SHOC2: variants seen among roughly 807,000 people sequenced by gnomAD.
SHOC2 encodes the protein SHOC2 leucine rich repeat scaffold protein, also known as leucine-rich repeat protein SHOC-2.
Under a neutral mutation model 50.2 loss-of-function variants are expected in SHOC2, and 4 were observed. That is an observed-to-expected ratio of 0.08 (90% CI 0.04 to 0.18). The LOEUF (loss-of-function observed/expected upper bound fraction) is 0.18. Among genes scored for constraint, SHOC2 ranks in the 10% least tolerant of loss-of-function variants. SHOC2 has a pLI of 1.00. For synonymous variants in SHOC2, 218 were observed against 244.5 expected (o/e 0.89, Z 1.01); for missense variants, 388 against 669.6 (o/e 0.58, Z 4.64).
intron 1 of SHOC2, among the ~76,000 whole-genome samples, chr10:110,955,422 A>G (rs377636375): frequency 1.3e-5 from 2 of 152,194 alleles, no homozygotes; most frequent in East Asian, 3.8e-4. Context: ...GCAGTTTGGG[A>G]TAAAGATCTG....
chr10:110,952,589 C>T (rs1847377287), intron 1 of SHOC2, among the ~76,000 whole-genome samples: 1 of 151,678 alleles, frequency 6.6e-6, no homozygotes. Flanking sequence ...GATACATGTG[C>T]AGAATGTGAA....
chr10:111,012,602 A>G lies in SHOC2; in HGVS notation c.*784A>G, dbSNP rs978335298. Reference sequence around the variant, plus strand: ...ATTTTTTAAGTTTGGGGGAAGAGAAACTTGCAGTGAAAAGGAGTTTTTTCA... The same window carrying G: ...ATTTTTTAAGTTTGGGGGAAGAGAAGCTTGCAGTGAAAAGGAGTTTTTTCA... On this transcript the variant is annotated 3_prime_UTR_variant, in exon 9 of 9. Coordinates refer to ENST00000369452, the MANE Select transcript of SHOC2 (RefSeq NM_007373.4). 2 of 152,132 alleles carry G rather than the reference A, an allele frequency of 1.3e-5. No individual in the cohort carries two copies. The highest frequency in any genetic ancestry group is 2.9e-5 in the Non-Finnish European group (2 of 68,012). The allele number at this position is 152,132 out of a possible 1,614,324, so 9.4% of individuals were successfully genotyped here. A position where few individuals can be genotyped will look rare whatever the true frequency, so the allele number is the denominator to read the frequency against.
Position 110,967,554 on chromosome 10 carries a change from A to G in SHOC2, c.703+2493A>G, listed in dbSNP as rs989254789. Among the ~76,000 whole-genome samples the G allele has an allele frequency of 1.2e-4, 19 of 152,356 alleles. No individual in the cohort carries two copies. In the East Asian group the frequency reaches 3.5e-3, roughly 28 times the overall value. On this transcript the variant is annotated intron_variant, in intron 2 of 8. Transcript: ENST00000369452. ...TTAGAATATTCAGATTTATGTAACCATCAGAGATAATGTTAGAACATTTTC... is the reference window on the plus strand; with the variant it reads ...TTAGAATATTCAGATTTATGTAACCGTCAGAGATAATGTTAGAACATTTTC...
At chr10:110,992,216 T>C (rs561540399) in intron 3 of SHOC2, among the ~76,000 whole-genome samples, 6 of 152,230 alleles carry the variant, frequency 3.9e-5, no homozygotes, top group South Asian at 4.1e-4. Context: ...TGACAACTCA[T>C]AGGATGTGAG....
At chr10:110,973,708 G>A (rs978183496) in intron 2 of SHOC2, among the ~76,000 whole-genome samples, 20 of 151,818 alleles carry the variant, frequency 1.3e-4, no homozygotes, top group Admixed American at 6.6e-4. Flanking sequence ...TTTGAATTTC[G>A]AATTCAGTTT....
intron 2 of SHOC2, among the ~76,000 whole-genome samples, chr10:110,967,340 C>T (rs1847695386): frequency 6.6e-6 from 1 of 152,124 alleles, no homozygotes; most frequent in Non-Finnish European, 1.5e-5. Flanking sequence ...TACCACCCCC[C>T]ATAGATTTTG....
At chr10:110,960,786 C>T (rs1847555782) in intron 1 of SHOC2, among the ~76,000 whole-genome samples, 1 of 152,172 alleles carries the variant, frequency 6.6e-6, no homozygotes, top group African/African-American at 2.4e-5. Flanking sequence ...AGTGACTCTC[C>T]TGCTTCAGCC....
intron 6 of SHOC2, 52 bp downstream of exon 6, chr10:111,007,705 A>T: frequency 6.7e-7 from 1 of 1,489,988 alleles, no homozygotes; most frequent in Non-Finnish European, 9.3e-7. Context: ...TACGTATCTC[A>T]TTTAAAAATT....
intron 2 of SHOC2, among the ~76,000 whole-genome samples, chr10:110,965,597 ATT>A (rs1295618519): frequency 1.3e-5 from 2 of 152,174 alleles, no homozygotes; most frequent in Non-Finnish European, 2.9e-5. Flanking sequence ...TTACATGTTT[ATT>A]AAAAATAACA....
At chr10:110,934,235 C>T (rs1356603546) in intron 1 of SHOC2, among the ~76,000 whole-genome samples, 1 of 152,040 alleles carries the variant, frequency 6.6e-6, no homozygotes, top group East Asian at 1.9e-4. Context: ...AAATATTAGT[C>T]CCTGTGGGTG....
At chr10:110,991,044 C>T (rs1191880005) in intron 3 of SHOC2, among the ~76,000 whole-genome samples, 2 of 152,192 alleles carry the variant, frequency 1.3e-5, no homozygotes, top group Non-Finnish European at 2.9e-5. Flanking sequence ...GCTCCTTCAA[C>T]TGATCAGATA....
intron 5 of SHOC2, 83 bp from the exon 6 acceptor site, chr10:111,007,448 G>T: frequency 1.4e-6 from 2 of 1,450,138 alleles, no homozygotes; most frequent in Non-Finnish European, 9.6e-7. Flanking sequence ...GTTTAATTAA[G>T]AATTCTCTTT....
At chr10:110,929,539 G>A (rs998354130) in intron 1 of SHOC2, among the ~76,000 whole-genome samples, 1 of 152,148 alleles carries the variant, frequency 6.6e-6, no homozygotes, top group Non-Finnish European at 1.5e-5. Flanking sequence ...TTAAGCAACA[G>A]TATATATATT....
chr10:110,973,756 T>G (rs1183864896), intron 2 of SHOC2, among the ~76,000 whole-genome samples: 1 of 152,020 alleles, frequency 6.6e-6, no homozygotes, highest in Non-Finnish European at 1.5e-5. Flanking sequence ...TTTCTATTTG[T>G]TCTCTATTGA....
chr10:110,964,868 G>T lies in SHOC2; in HGVS notation c.510G>T (p.Lys170Asn). ...SLPDSLDNLK[K>N]LRMLDLRHNK... ...CTGACTCTCTTGATAACTTGAAGAA[G>T]CTGCGGATGCTTGATTTACGGCATA... Residue 170 changes from lysine (K) to asparagine (N), a missense_variant, in exon 2 of 9, where the codon AAG (lysine) becomes AAT (asparagine). By Grantham distance (94) the Lys-to-Asn change is moderately conservative. Transcript: ENST00000369452. This position sits in a 1 kb window ranked among gnomAD's most constrained non-coding sequence, Gnocchi z 4.9. The T allele has an allele frequency of 6.2e-7, 1 of 1,614,022 alleles. No individual in the cohort carries two copies. Among genetic ancestry groups the T allele is most frequent in the Non-Finnish European group, 8.5e-7 (1 of 1,179,962 alleles).
At chr10:110,977,886 G>C (rs998119430) in intron 2 of SHOC2, among the ~76,000 whole-genome samples, 1 of 152,214 alleles carries the variant, frequency 6.6e-6, no homozygotes, top group African/African-American at 2.4e-5. Flanking sequence ...GCTGCTGCTA[G>C]GTCTTTGCCT....
chr10:110,968,115 C>A (rs1339602165), intron 2 of SHOC2, among the ~76,000 whole-genome samples: 5 of 152,170 alleles, frequency 3.3e-5, no homozygotes, highest in African/African-American at 1.2e-4. Flanking sequence ...TTCTCTGCAT[C>A]CTCAGTAACC....
chr10:111,011,431 G>A (rs2134182738), intron 8 of SHOC2, among the ~76,000 whole-genome samples, 179 bp from the exon 9 acceptor site: 1 of 152,204 alleles, frequency 6.6e-6, no homozygotes, highest in South Asian at 2.1e-4. Flanking sequence ...AGTCTTCCAA[G>A]TTGATTTGAA....
At chr10:111,001,538 A>G (rs1848375916) in intron 4 of SHOC2, among the ~76,000 whole-genome samples, 1 of 152,120 alleles carries the variant, frequency 6.6e-6, no homozygotes, top group Non-Finnish European at 1.5e-5. Flanking sequence ...CTATTTTAGC[A>G]TGTCGACAAT....
Sources: allele counts gnomAD v4.1 joint callset (sites outside exome capture counted in the v4.1 genomes callset), GRCh38; gene constraint gnomAD v4.1.1; non-coding constraint Gnocchi (gnomAD v3.1); transcripts MANE v1.5; gene names NCBI Gene and HGNC (gene_info 2026-07-23, HGNC 2026-07-21).